PRTFDC1: variants seen among roughly 807,000 people sequenced by gnomAD.
PRTFDC1 encodes phosphoribosyl transferase domain containing 1.
Under a neutral mutation model 34.6 loss-of-function variants are expected in PRTFDC1, and 38 were observed. The observed-to-expected ratio is 1.10, with a 90% CI of 0.85 to 1.44. The LOEUF is 1.44. Among genes scored for constraint, PRTFDC1 ranks in the 40% most tolerant of loss-of-function variants. The pLI is 0.00. For missense variants in PRTFDC1, 270 were observed against 283.0 expected, an observed-to-expected ratio of 0.95 and a Z score of 0.33; for synonymous variants, 93 against 98.1, an observed-to-expected ratio of 0.95 and a Z score of 0.31.
At chr10:24,877,982 G>T (rs1847995636) in intron 3 of PRTFDC1, among the ~76,000 whole-genome samples, 1 of 151,720 alleles carries the variant, frequency 6.6e-6, no homozygotes, top group African/African-American at 2.4e-5. Context: ...AAGAGTTTAA[G>T]AAACTTTCCC....
intron 3 of PRTFDC1, among the ~76,000 whole-genome samples, chr10:24,920,185 A>G (rs1283020043): frequency 1.3e-5 from 2 of 152,178 alleles, no homozygotes; most frequent in Non-Finnish European, 2.9e-5. Context: ...ACTTATGTTC[A>G]CTGAAGCACT....
At chr10:24,932,808 G>A (rs1346467564) in intron 3 of PRTFDC1, among the ~76,000 whole-genome samples, 1 of 151,934 alleles carries the variant, frequency 6.6e-6, no homozygotes, top group East Asian at 1.9e-4. Context: ...GAAAGACAAA[G>A]AACAAGAATA....
rs1304309679 is a variant in PRTFDC1, at chr10:24,849,808, T to C, written c.*36A>G. 6 of 1,605,964 alleles carry C rather than the reference T, an allele frequency of 3.7e-6. No individual in the cohort carries two copies. The highest frequency in any genetic ancestry group is 1.6e-4 in the Middle Eastern group (1 of 6,062). Reference sequence around the variant, plus strand: ...TTCCCAAGTACAGGCGTAAATATGATGCTATCTGGGACTTTAGTGGTGAGA... The same window carrying C: ...TTCCCAAGTACAGGCGTAAATATGACGCTATCTGGGACTTTAGTGGTGAGA... On this transcript the variant is annotated 3_prime_UTR_variant, in exon 9 of 9. Transcript: ENST00000320152.
chr10:24,858,813 T>C (rs1392431297), intron 4 of PRTFDC1, among the ~76,000 whole-genome samples: 1 of 152,134 alleles, frequency 6.6e-6, no homozygotes, highest in African/African-American at 2.4e-5. Flanking sequence ...GGTAAATGCA[T>C]CATGGGTTCA....
At chr10:24,859,378 C>T (rs1311346734) in intron 4 of PRTFDC1, among the ~76,000 whole-genome samples, 1 of 152,166 alleles carries the variant, frequency 6.6e-6, no homozygotes, top group Non-Finnish European at 1.5e-5. Context: ...TCCCACCTCA[C>T]CTTCCCACGT....
intron 3 of PRTFDC1, among the ~76,000 whole-genome samples, chr10:24,873,372 TACA>T (rs1847910090): frequency 6.6e-6 from 1 of 152,228 alleles, no homozygotes; most frequent in Non-Finnish European, 1.5e-5. Context: ...CCAAAGCCGA[TACA>T]TTCCGGCAGT....
At chr10:24,867,074 C>T (rs931827963) in intron 4 of PRTFDC1, among the ~76,000 whole-genome samples, 2 of 151,416 alleles carry the variant, frequency 1.3e-5, no homozygotes, top group Admixed American at 6.6e-5. Flanking sequence ...TGTAGAGTCT[C>T]CTTTTTTTCT....
intron 3 of PRTFDC1, 142 bp downstream of exon 3, chr10:24,937,042 G>C (rs982566591): frequency 9.1e-6 from 7 of 772,376 alleles, no homozygotes; most frequent in Non-Finnish European, 1.4e-5. Context: ...TTAGGTTGCC[G>C]TATTCTTGCA....
In PRTFDC1 at chr10:24,856,956, T is replaced by C. The variant is rs1847588705; in HGVS notation, c.463A>G (p.Ser155Gly). 9.3e-6 allele frequency: 15 copies of C among 1,613,886 alleles called. No individual in the cohort carries two copies. The highest frequency in any genetic ancestry group is 1.3e-5 in the Non-Finnish European group (15 of 1,179,758). Residue 155 changes from serine to glycine, a missense_variant, in exon 6 of 9, where the codon AGC (serine) becomes GGC (glycine). By Grantham distance (56) the Ser-to-Gly change is moderately conservative. Coordinates refer to ENST00000320152, the MANE Select transcript of PRTFDC1 (RefSeq NM_020200.7). The part of the protein sequence containing the change: ...GTGRTMKALL[S>G]NIEKYKPNMI... ...TTGGGCTTGTATTTCTCTATATTGC[T>C]GAGTAGTGCTTTCATGGTCCTCCCA...
chr10:24,917,741 C>T (rs1369522057), intron 3 of PRTFDC1, among the ~76,000 whole-genome samples: 1 of 152,084 alleles, frequency 6.6e-6, no homozygotes, highest in Admixed American at 6.6e-5. Flanking sequence ...AGACAGATGT[C>T]CTTTTCAGTG....
intron 3 of PRTFDC1, among the ~76,000 whole-genome samples, chr10:24,912,096 C>G (rs1588610316): frequency 6.6e-6 from 1 of 151,672 alleles, no homozygotes; most frequent in East Asian, 2.0e-4. Context: ...AGGCGAAACC[C>G]TGTCTCTGCT....
intron 1 of PRTFDC1, among the ~76,000 whole-genome samples, chr10:24,945,444 T>C (rs1588627847): frequency 6.6e-6 from 1 of 152,112 alleles, no homozygotes; most frequent in African/African-American, 2.4e-5. Flanking sequence ...GATGGCCACA[T>C]GGTGTATATC....
intron 3 of PRTFDC1, among the ~76,000 whole-genome samples, chr10:24,917,874 C>T (rs1848720494): frequency 6.6e-6 from 1 of 152,206 alleles, no homozygotes; most frequent in Non-Finnish European, 1.5e-5. Context: ...ACATGCCCGG[C>T]TGCTAAGGAA....
At chr10:24,899,974 A>G (rs2132551859) in intron 3 of PRTFDC1, among the ~76,000 whole-genome samples, 1 of 152,340 alleles carries the variant, frequency 6.6e-6, no homozygotes, top group Non-Finnish European at 1.5e-5. Context: ...AAAAGAACTC[A>G]GAAATTTTAT....
chr10:24,857,385 A>G (rs2132492140), intron 5 of PRTFDC1, among the ~76,000 whole-genome samples: 1 of 152,282 alleles, frequency 6.6e-6, no homozygotes, highest in African/African-American at 2.4e-5. Flanking sequence ...ATCTGAATAC[A>G]CTGAATGGAT....
chr10:24,903,900 G>A (rs1025813709), intron 3 of PRTFDC1, among the ~76,000 whole-genome samples: 12 of 151,516 alleles, frequency 7.9e-5, no homozygotes, highest in Non-Finnish European at 1.5e-4. Context: ...ACCTCCCCAG[G>A]CTGGTCTCAA....
At chr10:24,941,062 T>TGTGTGTGTGTGTGTG (rs1564320103) in intron 2 of PRTFDC1, among the ~76,000 whole-genome samples, 12 of 145,232 alleles carry the variant, frequency 8.3e-5, no homozygotes, top group African/African-American at 3.1e-4. Flanking sequence ...GTGTGTGTGT[T>TGTGTGTGTGTGTGTG]TGTGTGTTTG....
intron 3 of PRTFDC1, among the ~76,000 whole-genome samples, chr10:24,876,124 G>A (rs1489863634): frequency 6.6e-6 from 1 of 152,028 alleles, no homozygotes; most frequent in African/African-American, 2.4e-5. Context: ...CATGCCTGCA[G>A]AGGCAGGCAC....
intron 3 of PRTFDC1, among the ~76,000 whole-genome samples, chr10:24,906,221 C>G (rs1162835080): frequency 1.3e-5 from 2 of 152,124 alleles, no homozygotes; most frequent in East Asian, 3.9e-4. Flanking sequence ...TCTCTGACTC[C>G]CCATCTCCTC....
Sources: gnomAD v4.1 joint callset for allele counts (sites outside exome capture counted in the v4.1 genomes callset) on GRCh38, gnomAD v4.1.1 for gene constraint, MANE v1.5 for transcripts, NCBI Gene and HGNC (gene_info 2026-07-23, HGNC 2026-07-21) for gene names.